Variants in SGTA observed in about 807,000 individuals in gnomAD.
SGTA encodes small glutamine-rich tetratricopeptide repeat-containing protein alpha.
In SGTA, 22 loss-of-function variants were observed where a neutral mutation model predicts 44.3. The observed-to-expected ratio is 0.50, with a 90% confidence interval of 0.36 to 0.71. SGTA has a LOEUF of 0.71. Ranked by LOEUF, SGTA falls within the 30% of genes least tolerant of loss-of-function variation. SGTA has a pLI of 0.00. For missense variants in SGTA, 341 were observed against 435.9 expected, an observed-to-expected ratio of 0.78 and a Z score of 1.94; for synonymous variants, 174 against 177.6, an observed-to-expected ratio of 0.98 and a Z score of 0.16.
intron 2 of SGTA, among the ~76,000 whole-genome samples, chr19:2,768,211 C>T (rs957378427): frequency 1.3e-5 from 2 of 152,216 alleles, no homozygotes; most frequent in East Asian, 3.9e-4. Context: ...GACTCAGCAC[C>T]CAGGGGGCCC....
Position 2,761,314 on chromosome 19 carries a change from C to T in SGTA, c.699+146G>A. 1 of 761,234 alleles carries T rather than the reference C, an allele frequency of 1.3e-6. No individual in the cohort carries two copies. The highest frequency in any genetic ancestry group is 2.2e-6 in the Non-Finnish European group (1 of 458,874). The allele number at this position is 761,234 out of a possible 1,614,324, so 47.2% of individuals were successfully genotyped here. A position where few individuals can be genotyped will look rare whatever the true frequency, so the allele number is the denominator to read the frequency against. The stretch of plus-strand genomic sequence containing the variant: ...GGTGCTGCCAGCGCCCTGCGGTGCC[C>T]AGGACGACCCCACAGACAAGACCCA... On this transcript the variant is annotated intron_variant, in intron 8 of 11. Coordinates refer to ENST00000221566, the MANE Select transcript of SGTA (RefSeq NM_003021.4). The surrounding 1 kb of genome is among the most constrained non-coding windows in gnomAD (Gnocchi z 5.7).
Position 2,757,762 on chromosome 19 carries a change from C to T in SGTA, c.758G>A (p.Gly253Asp), listed in dbSNP as rs200270910. Residue 253 changes from glycine to aspartate, a missense_variant, in exon 10 of 12, where the codon GGT (glycine) becomes GAT (aspartate). Gly to Asp is a moderately conservative substitution (Grantham distance 94). Coordinates refer to ENST00000221566, the MANE Select transcript of SGTA (RefSeq NM_003021.4). ...GGGAGTTCCCAAGGGGTTGTTGCCA[C>T]CCGAAATCATGCCGGACATGCTGCA... ...IQQLMSGMIS[G>D]GNNPLGTPGT... 9.4e-6 allele frequency: 15 copies of T among 1,602,626 alleles called. No homozygotes were observed. In the East Asian group the frequency reaches 2.7e-4, roughly 29 times the overall value.
At chr19:2,775,217 C>T (rs905702526) in intron 1 of SGTA, among the ~76,000 whole-genome samples, 6 of 152,248 alleles carry the variant, frequency 3.9e-5, no homozygotes, top group Non-Finnish European at 5.9e-5. Flanking sequence ...CGGCAGGATC[C>T]GCGCCCGGCA....
At position 2,763,700 on chromosome 19, in the gene SGTA, C is replaced by T. The variant is rs759407211; in HGVS notation, c.450G>A (p.Arg150=). 2 of 1,613,896 alleles carry T rather than the reference C, an allele frequency of 1.2e-6. No homozygotes were observed. Among genetic ancestry groups the T allele is most frequent in the East Asian group, 2.2e-5 (1 of 44,884 alleles). The stretch of plus-strand genomic sequence containing the variant: ...TGTAGGCCGGGTCAATGCAGATGGC[C>T]CGCTCACAGTCCTGCACCGCGCCTG... ...NYAGAVQDCE[R]AICIDPAYSK... The change falls in exon 6 of 12, where the codon CGG becomes CGA. Residue 150 remains arginine (R), a synonymous_variant. Coordinates refer to ENST00000221566, the MANE Select transcript of SGTA (RefSeq NM_003021.4). This position sits in a 1 kb window ranked among gnomAD's most constrained non-coding sequence, Gnocchi z 5.8.
Position 2,778,837 on chromosome 19 carries a change from G to C in SGTA, c.-24+4396C>G, listed in dbSNP as rs538025468. Among the ~76,000 whole-genome samples the C allele has an allele frequency of 1.4e-4, 22 of 152,298 alleles. 1 individual carries two copies. The highest frequency in any genetic ancestry group is 1.2e-3 in the Admixed American group (18 of 15,298). ...AATCCACACACTAAGGGGAGAGGGA[G>C]CAAGGAGGTGAATCCTAGGAGCTGG... On this transcript the variant is annotated intron_variant, in intron 1 of 11. Transcript: ENST00000221566.
Position 2,755,491 on chromosome 19 carries a change from C to T in SGTA, c.*449G>A, listed in dbSNP as rs185631188. 2.2e-4 allele frequency: 220 copies of T among 987,084 alleles called. No individual in the cohort carries two copies. The African/African-American group carries it at 3.3e-3, about 15-fold the overall frequency. The allele number at this position is 987,084 out of a possible 1,614,324, so 61.1% of individuals were successfully genotyped here. ...GGCCGGGGTGGCCGGGAGGTCGACTCGGAAAGAGGCTTCTCACAGACGGGA... is the reference window on the plus strand; with the variant it reads ...GGCCGGGGTGGCCGGGAGGTCGACTTGGAAAGAGGCTTCTCACAGACGGGA... On this transcript the variant is annotated 3_prime_UTR_variant, in exon 12 of 12. Transcript: ENST00000221566. This position sits in a 1 kb window ranked among gnomAD's most constrained non-coding sequence, Gnocchi z 5.2.
rs73516501 is a variant in SGTA at position 2,763,614 on chromosome 19, C to T, written c.497+39G>A. The stretch of plus-strand genomic sequence containing the variant: ...AGCAGGAGCAGGAGAGGAGGGGTCC[C>T]GAGAGACTGGAAAGGCGCGGCCGTG... On this transcript the variant is annotated intron_variant, in intron 6 of 11. Transcript: ENST00000221566. This position sits in a 1 kb window ranked among gnomAD's most constrained non-coding sequence, Gnocchi z 5.8. 0.025 allele frequency: 36,635 copies of T among 1,444,278 alleles called. 1,718 individuals carry two copies. Among genetic ancestry groups the T allele is most frequent in the East Asian group, 0.16 (6,856 of 42,682 alleles). The allele number at this position is 1,444,278 out of a possible 1,614,324, so 89.5% of individuals were successfully genotyped here. A position where few individuals can be genotyped will look rare whatever the true frequency, so the allele number is the denominator to read the frequency against.
chr19:2,760,051 C>T lies in SGTA; in HGVS notation c.700-757G>A, dbSNP rs547334214. On this transcript the variant is annotated intron_variant, in intron 8 of 11. Coordinates refer to ENST00000221566, the MANE Select transcript of SGTA (RefSeq NM_003021.4). ...TCCACTTGGGATTATTCCTTTGGAC[C>T]TGTTGAAAGGAGGTGGCTCAGAGGT... 8.5e-5 allele frequency among the ~76,000 whole-genome samples: 13 copies of T among 152,226 alleles called. No individual in the cohort carries two copies. The South Asian group carries it at 2.5e-3, about 29-fold the overall frequency.
intron 9 of SGTA, among the ~76,000 whole-genome samples, chr19:2,758,111 T>C (rs1163136789): frequency 6.6e-6 from 1 of 152,232 alleles, no homozygotes; most frequent in African/African-American, 2.4e-5. Flanking sequence ...GGGGTGCTCC[T>C]GGCATGGAGT....
chr19:2,758,648 G>A (rs968728621), intron 9 of SGTA, among the ~76,000 whole-genome samples: 1 of 152,208 alleles, frequency 6.6e-6, no homozygotes, highest in Non-Finnish European at 1.5e-5. Flanking sequence ...ATATCCAAGA[G>A]AAACGAAAAC....
intron 1 of SGTA, among the ~76,000 whole-genome samples, chr19:2,772,195 G>A (rs1004661291): frequency 2.6e-5 from 4 of 152,238 alleles, no homozygotes; most frequent in South Asian, 2.1e-4. Flanking sequence ...GAGATCAGAC[G>A]CTCGGATTCA....
chr19:2,765,577 C>T lies in SGTA; in HGVS notation c.293-292G>A, dbSNP rs1484905207. Among the ~76,000 whole-genome samples, 4 of 151,924 alleles carry T rather than the reference C, an allele frequency of 2.6e-5. No homozygotes were observed. The highest frequency in any genetic ancestry group is 4.8e-5 in the African/African-American group (2 of 41,348). ...ACGGTGGCTGTCACTGCCTGGATGG[C>T]GACCCCGGGAGCAGAACAGTTAATA... is the stretch of plus-strand genomic sequence containing the variant. On this transcript the variant is annotated intron_variant, in intron 4 of 11. Coordinates refer to ENST00000221566, the MANE Select transcript of SGTA (RefSeq NM_003021.4). This position sits in a 1 kb window ranked among gnomAD's most constrained non-coding sequence, Gnocchi z 5.5.
At chr19:2,759,391 C>T (rs1474151614) in intron 8 of SGTA, 97 bp from the exon 9 acceptor site, 2 of 1,110,710 alleles carry the variant, frequency 1.8e-6, no homozygotes, top group East Asian at 2.4e-5. Context: ...TGGTTCTGGA[C>T]TCCAGCACGC....
chr19:2,762,951 C>T lies in SGTA; in HGVS notation c.498-307G>A, dbSNP rs1034925602. Among the ~76,000 whole-genome samples, 39 of 152,200 alleles carry T rather than the reference C, an allele frequency of 2.6e-4. 1 individual carries two copies. Among genetic ancestry groups the T allele is most frequent in the Non-Finnish European group, 1.2e-4 (8 of 68,034 alleles). On this transcript the variant is annotated intron_variant, in intron 6 of 11. Coordinates refer to ENST00000221566, the MANE Select transcript of SGTA (RefSeq NM_003021.4). ...GGCCAGCTCAGGGTCACAGGAAATG[C>T]GTGGATGTTGTCTTGGCCCCGCTTC...
In SGTA at chr19:2,767,773, G is replaced by A; in HGVS notation, c.101-87C>T. On this transcript the variant is annotated intron_variant, in intron 2 of 11. Transcript: ENST00000221566. This position sits in a 1 kb window ranked among gnomAD's most constrained non-coding sequence, Gnocchi z 7.3. ...TCTAGAGGGCGGGGTTGGTGCTCAT[G>A]CTTCCCCAGGTGTGTTCATTCCCAA... is the stretch of plus-strand genomic sequence containing the variant. 1.0e-6 allele frequency: 1 copy of A among 974,230 alleles called. No homozygotes were observed. Among genetic ancestry groups the A allele is most frequent in the Non-Finnish European group, 1.6e-6 (1 of 614,842 alleles). The allele number at this position is 974,230 out of a possible 1,614,324, so 60.3% of individuals were successfully genotyped here. A position where few individuals can be genotyped will look rare whatever the true frequency, so the allele number is the denominator to read the frequency against.
chr19:2,768,072 C>A (rs1449340274), intron 2 of SGTA, among the ~76,000 whole-genome samples: 1 of 152,138 alleles, frequency 6.6e-6, no homozygotes. Context: ...GGGCGCCTGG[C>A]CTGAGTAAGG....
In SGTA at chr19:2,759,226, C is replaced by G. The variant is rs189565705; in HGVS notation, c.737+31G>C. On this transcript the variant is annotated intron_variant, in intron 9 of 11. Coordinates refer to ENST00000221566, the MANE Select transcript of SGTA (RefSeq NM_003021.4). ...ACAATAAAAGGAAATTTAACCACAA[C>G]AAGACCCGAAGAAACCCGGTTGTCA... 5.5e-4 allele frequency: 879 copies of G among 1,609,104 alleles called. 3 individuals carry two copies. The African/African-American group carries it at 0.011, about 20-fold the overall frequency.
intron 9 of SGTA, among the ~76,000 whole-genome samples, chr19:2,758,777 C>T (rs896101878): frequency 1.3e-5 from 2 of 152,066 alleles, no homozygotes; most frequent in African/African-American, 4.8e-5. Context: ...CGTGGTCCCT[C>T]CACACTGGAA....
Position 2,767,650 on chromosome 19 carries a change from G to T in SGTA, c.137C>A (p.Thr46Lys). ...IQCLETAFGV[T>K]VEDSDLALPQ... The stretch of plus-strand genomic sequence containing the variant: ...GAGCGCAAGGTCACTGTCTTCTACC[G>T]TCACCCCAAACGCAGTCTCCAGGCA... Residue 46 changes from threonine to lysine, a missense_variant, in exon 3 of 12, where the codon ACG becomes AAG. Transcript: ENST00000221566. This position sits in a 1 kb window ranked among gnomAD's most constrained non-coding sequence, Gnocchi z 7.3. 2 of 1,613,716 alleles carry T rather than the reference G, an allele frequency of 1.2e-6. No homozygotes were observed. The highest frequency in any genetic ancestry group is 2.2e-5 in the South Asian group (2 of 91,084).
Sources: allele counts gnomAD v4.1 joint callset (sites outside exome capture counted in the v4.1 genomes callset), GRCh38; gene constraint gnomAD v4.1.1; non-coding constraint Gnocchi (gnomAD v3.1); transcripts MANE v1.5; gene names NCBI Gene and HGNC (gene_info 2026-07-23, HGNC 2026-07-21).